Variants in CNTN1 observed in about 807,000 individuals in gnomAD.
The protein encoded by CNTN1 is contactin-1.
Under a neutral mutation model 126.4 loss-of-function variants are expected in CNTN1, and 38 were observed. That is an observed-to-expected ratio of 0.30 (90% CI 0.23 to 0.39). CNTN1 has a LOEUF of 0.39. Ranked by LOEUF, CNTN1 falls within the 10% of genes least tolerant of loss-of-function variation. The pLI, the probability that CNTN1 is intolerant of heterozygous loss-of-function variation, is 1.00. For missense variants in CNTN1, 1,009 were observed against 1,248.4 expected, an observed-to-expected ratio of 0.81 and a Z score of 2.89; for synonymous variants, 413 against 422.6, an observed-to-expected ratio of 0.98 and a Z score of 0.28.
At chr12:40,956,208 T>G (rs1321091296) in intron 14 of CNTN1, among the ~76,000 whole-genome samples, 3 of 152,088 alleles carry the variant, frequency 2.0e-5, no homozygotes, top group South Asian at 2.1e-4. Flanking sequence ...AGCGTGATTA[T>G]TTGCTTGGCA....
chr12:40,971,399 C>G lies in CNTN1; in HGVS notation c.1805-9510C>G, dbSNP rs1393078782. 3.2e-6 allele frequency: 5 copies of G among 1,569,922 alleles called. No homozygotes were observed. In the Admixed American group the frequency reaches 6.9e-5, roughly 22 times the overall value. On this transcript the variant is annotated intron_variant, in intron 15 of 23. Coordinates refer to ENST00000551295, the MANE Select transcript of CNTN1 (RefSeq NM_001843.4). ...CTTCCTGCCCCTAATTGGGCATCCA[C>G]ACTCTCCCTTCAGCCTTGATCTTTC... is the stretch of plus-strand genomic sequence containing the variant.
In CNTN1 at chr12:41,044,143, G is replaced by A. The variant is rs1949488868; in HGVS notation, c.2980+14924G>A. On this transcript the variant is annotated intron_variant, in intron 23 of 23. Coordinates refer to ENST00000551295, the MANE Select transcript of CNTN1 (RefSeq NM_001843.4). ...GTGCACATGTACCCTAAAACTTAAA[G>A]TATAATAATAATAAAATAAATAAAA... Among the ~76,000 whole-genome samples the A allele has an allele frequency of 2.0e-5, 3 of 151,068 alleles. No individual in the cohort carries two copies. The South Asian group carries it at 6.3e-4, about 32-fold the overall frequency.
chr12:41,070,129 C>A lies in CNTN1; in HGVS notation c.*94C>A, dbSNP rs1440038815. Reference sequence around the variant, plus strand: ...TTCCTTCCAATTTCTGCGGCTCCATCCTAAGCCAAATAAATTATACTTTAA... The same window carrying A: ...TTCCTTCCAATTTCTGCGGCTCCATACTAAGCCAAATAAATTATACTTTAA... On this transcript the variant is annotated 3_prime_UTR_variant, in exon 24 of 24. Coordinates refer to ENST00000551295, the MANE Select transcript of CNTN1 (RefSeq NM_001843.4). 5.5e-6 allele frequency: 6 copies of A among 1,082,548 alleles called. No homozygotes were observed. Among genetic ancestry groups the A allele is most frequent in the Non-Finnish European group, 8.5e-6 (6 of 703,682 alleles). The allele number at this position is 1,082,548 out of a possible 1,614,324, so 67.1% of individuals were successfully genotyped here.
intron 23 of CNTN1, chr12:41,061,987 C>A (rs973691420): frequency 8.6e-6 from 2 of 233,590 alleles, no homozygotes; most frequent in African/African-American, 2.3e-5. Flanking sequence ...GCAAAATAAG[C>A]AAGCTGATAC....
At chr12:40,830,789 GTGTATA>G (rs1941787090) in intron 1 of CNTN1, among the ~76,000 whole-genome samples, 1 of 46,980 alleles carries the variant, frequency 2.1e-5, no homozygotes, top group Non-Finnish European at 4.0e-5. Context: ...AGAAAGTATA[GTGTATA>G]TATATATATA....
chr12:41,025,072 A>G (rs544064718), intron 20 of CNTN1, 78 bp from the exon 21 acceptor site: 1 of 1,367,712 alleles, frequency 7.3e-7, no homozygotes, highest in East Asian at 2.3e-5. Flanking sequence ...CAATGGTAAT[A>G]GAACCAGTTG....
chr12:40,943,789 T>G (rs1454486065), intron 13 of CNTN1, 65 bp downstream of exon 13: 2 of 1,558,822 alleles, frequency 1.3e-6, no homozygotes, highest in African/African-American at 2.7e-5. Flanking sequence ...GCACTAAGCA[T>G]CTAAACAGTC....
intron 1 of CNTN1, among the ~76,000 whole-genome samples, chr12:40,749,425 T>C (rs1443297822): frequency 2.0e-5 from 3 of 152,126 alleles, no homozygotes; most frequent in Admixed American, 6.6e-5. Flanking sequence ...TTGTGATGTA[T>C]GTTAGTACTA....
At chr12:40,918,495 G>GT (rs1355745497) in intron 3 of CNTN1, 144 bp from the exon 4 acceptor site, 4 of 723,426 alleles carry the variant, frequency 5.5e-6, no homozygotes, top group Non-Finnish European at 9.4e-6. Context: ...GTTTGGCTCA[G>GT]TATTATGGAG....
At chr12:41,043,130 A>G (rs1288074902) in intron 23 of CNTN1, among the ~76,000 whole-genome samples, 1 of 152,228 alleles carries the variant, frequency 6.6e-6, no homozygotes, top group African/African-American at 2.4e-5. Context: ...CAATGGCAAC[A>G]AAAGCCAAAA....
chr12:40,962,537 C>T (rs985932801), intron 15 of CNTN1, among the ~76,000 whole-genome samples: 2 of 151,970 alleles, frequency 1.3e-5, no homozygotes, highest in African/African-American at 4.8e-5. Context: ...AAAACACTCC[C>T]GCTGTGAGTT....
chr12:40,855,232 C>A (rs1942860650), intron 1 of CNTN1, among the ~76,000 whole-genome samples: 1 of 152,054 alleles, frequency 6.6e-6, no homozygotes, highest in South Asian at 2.1e-4. Flanking sequence ...ATCTCATATA[C>A]TTGTGAATTG....
intron 1 of CNTN1, among the ~76,000 whole-genome samples, chr12:40,742,733 T>A (rs1219269071): frequency 6.6e-6 from 1 of 152,048 alleles, no homozygotes; most frequent in Non-Finnish European, 1.5e-5. Flanking sequence ...AATTCTCTTA[T>A]AAGGCCTTAT....
At chr12:41,014,090 A>T in intron 17 of CNTN1, 138 bp from the exon 18 acceptor site, 2 of 724,770 alleles carry the variant, frequency 2.8e-6, no homozygotes, top group Admixed American at 4.4e-5. Context: ...AATTGAGTGG[A>T]TCATTTGTCC....
intron 23 of CNTN1, among the ~76,000 whole-genome samples, chr12:41,053,046 C>T (rs12312554): frequency 5.3e-5 from 8 of 151,248 alleles, no homozygotes; most frequent in Non-Finnish European, 1.0e-4. Flanking sequence ...ATGTGTGATC[C>T]TAAGACTACA....
In CNTN1 at chr12:40,863,640, A is replaced by T. The variant is rs947292958; in HGVS notation, c.-76-44717A>T. Reference sequence around the variant, plus strand: ...GAGCAGCAGATGTGCAAATATTACCACCTGAGCTCCACCCCCTGTCAATAG... The same window carrying T: ...GAGCAGCAGATGTGCAAATATTACCTCCTGAGCTCCACCCCCTGTCAATAG... On this transcript the variant is annotated intron_variant, in intron 1 of 23. Transcript: ENST00000551295. 3.3e-5 allele frequency among the ~76,000 whole-genome samples: 5 copies of T among 152,162 alleles called. No individual in the cohort carries two copies. In the South Asian group the frequency reaches 1.0e-3, roughly 32 times the overall value.
At chr12:41,045,071 T>C (rs1288128315) in intron 23 of CNTN1, among the ~76,000 whole-genome samples, 1 of 152,040 alleles carries the variant, frequency 6.6e-6, no homozygotes, top group Non-Finnish European at 1.5e-5. Context: ...GAATGTTGAT[T>C]TACTAATGAC....
intron 17 of CNTN1, among the ~76,000 whole-genome samples, chr12:41,006,393 C>T (rs142109678): frequency 3.9e-5 from 6 of 152,300 alleles, no homozygotes; most frequent in African/African-American, 1.2e-4. Flanking sequence ...ACACAGCTGG[C>T]AGGCAGGAGC....
intron 1 of CNTN1, among the ~76,000 whole-genome samples, chr12:40,750,248 G>C (rs1291182586): frequency 6.6e-6 from 1 of 152,058 alleles, no homozygotes; most frequent in Non-Finnish European, 1.5e-5. Flanking sequence ...TTTGCATGAT[G>C]ATGAGTTCAT....
Sources: gnomAD v4.1 joint callset for allele counts (sites outside exome capture counted in the v4.1 genomes callset) on GRCh38, gnomAD v4.1.1 for gene constraint, MANE v1.5 for transcripts, NCBI Gene and HGNC (gene_info 2026-07-23, HGNC 2026-07-21) for gene names.